UNC5D: variants seen among roughly 807,000 people sequenced by gnomAD.
The protein encoded by UNC5D is netrin receptor UNC5D.
In UNC5D, 39 loss-of-function variants were observed where a neutral mutation model predicts 105.4. The observed-to-expected ratio is 0.37, with a 90% CI of 0.29 to 0.48. UNC5D has a LOEUF of 0.48. Among genes scored for constraint, UNC5D ranks in the 20% least tolerant of loss-of-function variants. The pLI, the probability that UNC5D is intolerant of heterozygous loss-of-function variation, is 0.98. For missense variants in UNC5D, 991 were observed against 1,202.4 expected (o/e 0.82, Z 2.60); for synonymous variants, 452 against 450.4 (o/e 1.00, Z -0.04).
intron 3 of UNC5D, among the ~76,000 whole-genome samples, chr8:35,579,742 G>A (rs1818348710): frequency 6.6e-6 from 1 of 152,196 alleles, no homozygotes; most frequent in Admixed American, 6.5e-5. Context: ...TATGGAGGGT[G>A]TTCAAATTCT....
chr8:35,738,905 C>T (rs1483881327), intron 11 of UNC5D, among the ~76,000 whole-genome samples: 1 of 152,146 alleles, frequency 6.6e-6, no homozygotes, highest in Non-Finnish European at 1.5e-5. Flanking sequence ...TGATTTGTTG[C>T]TGTGAGACTT....
At chr8:35,455,281 CTTTT>C (rs55848948) in intron 1 of UNC5D, among the ~76,000 whole-genome samples, 1 of 142,178 alleles carries the variant, frequency 7.0e-6, no homozygotes, top group African/African-American at 2.6e-5. Context: ...GGAATGGATA[CTTTT>C]TTTTTTTTTT....
At chr8:35,287,385 A>G (rs1322329907) in intron 1 of UNC5D, among the ~76,000 whole-genome samples, 1 of 152,224 alleles carries the variant, frequency 6.6e-6, no homozygotes, top group Non-Finnish European at 1.5e-5. Flanking sequence ...AGTTTAGAAA[A>G]CAGTTTATAA....
chr8:35,560,397 T>C (rs1383482942), intron 2 of UNC5D, among the ~76,000 whole-genome samples: 1 of 152,224 alleles, frequency 6.6e-6, no homozygotes, highest in East Asian at 1.9e-4. Context: ...TTTGTGAATA[T>C]ATCACGTATA....
intron 1 of UNC5D, among the ~76,000 whole-genome samples, chr8:35,456,445 A>C (rs1462714336): frequency 1.3e-5 from 2 of 152,202 alleles, no homozygotes. Flanking sequence ...AACAAGCCCC[A>C]ATTATAAGTT....
chr8:35,247,281 T>C (rs925565816), intron 1 of UNC5D, among the ~76,000 whole-genome samples: 5 of 151,350 alleles, frequency 3.3e-5, no homozygotes, highest in Admixed American at 6.6e-5. Context: ...CAGAGATTTT[T>C]TTTTTTTCCT....
intron 1 of UNC5D, among the ~76,000 whole-genome samples, chr8:35,377,453 C>T (rs1290740414): frequency 6.6e-6 from 1 of 152,098 alleles, no homozygotes; most frequent in African/African-American, 2.4e-5. Flanking sequence ...CTCTGCAGGG[C>T]CCGGGATTGG....
At chr8:35,282,017 C>T (rs1212056479) in intron 1 of UNC5D, among the ~76,000 whole-genome samples, 1 of 152,188 alleles carries the variant, frequency 6.6e-6, no homozygotes, top group African/African-American at 2.4e-5. Context: ...TTTTCCATCA[C>T]TTAATAGCCA....
Position 35,257,178 on chromosome 8 carries a change from G to T in UNC5D, c.103+21291G>T, listed in dbSNP as rs575497543. ...GTAGAGACGGGGTTTCACCATGTTG[G>T]TCAGGTGATCACGATCTCCTGACCT... On this transcript the variant is annotated intron_variant, in intron 1 of 16. Coordinates refer to ENST00000404895, the MANE Select transcript of UNC5D (RefSeq NM_080872.4). Among the ~76,000 whole-genome samples the T allele has an allele frequency of 2.8e-3, 421 of 151,920 alleles. 3 individuals carry two copies. The highest frequency in any genetic ancestry group is 9.6e-3 in the African/African-American group (398 of 41,424).
intron 4 of UNC5D, among the ~76,000 whole-genome samples, chr8:35,642,529 T>G (rs1477917003): frequency 6.6e-6 from 1 of 152,124 alleles, no homozygotes; most frequent in African/African-American, 2.4e-5. Context: ...ACACTCAGGC[T>G]TTAAGTAGGG....
chr8:35,431,406 A>G (rs993824644), intron 1 of UNC5D, among the ~76,000 whole-genome samples: 1 of 152,176 alleles, frequency 6.6e-6, no homozygotes, highest in Non-Finnish European at 1.5e-5. Context: ...TGCCTAGAAT[A>G]AGAAATTAGG....
intron 1 of UNC5D, among the ~76,000 whole-genome samples, chr8:35,236,353 AG>A (rs35580447): frequency 7.9e-6 from 1 of 126,006 alleles, no homozygotes; most frequent in African/African-American, 3.0e-5. Flanking sequence ...CTTTTCCCTT[AG>A]GGGAGGAACA....
intron 1 of UNC5D, among the ~76,000 whole-genome samples, chr8:35,423,852 C>CTT (rs200270722): frequency 3.6e-4 from 49 of 135,100 alleles, no homozygotes; most frequent in African/African-American, 9.8e-4. Context: ...ATAAGGAGTA[C>CTT]TTTTTTTTTT....
intron 1 of UNC5D, among the ~76,000 whole-genome samples, chr8:35,300,972 T>A (rs935210435): frequency 6.6e-6 from 1 of 152,210 alleles, no homozygotes; most frequent in East Asian, 1.9e-4. Context: ...TGTGTGTGTA[T>A]GTTTATGTGT....
intron 1 of UNC5D, among the ~76,000 whole-genome samples, chr8:35,514,699 AAAAG>A (rs1388588569): frequency 6.6e-6 from 1 of 152,094 alleles, no homozygotes; most frequent in African/African-American, 2.4e-5. Flanking sequence ...AATTCAAACA[AAAAG>A]AAATCAACAT....
chr8:35,643,658 G>A (rs572036169), intron 4 of UNC5D, among the ~76,000 whole-genome samples: 81 of 152,144 alleles, frequency 5.3e-4, no homozygotes, highest in Non-Finnish European at 9.7e-4. Flanking sequence ...GGGATTACAG[G>A]TGTGAGCCAC....
chr8:35,335,255 CT>C (rs1810938561), intron 1 of UNC5D, among the ~76,000 whole-genome samples: 1 of 152,118 alleles, frequency 6.6e-6, no homozygotes, highest in Non-Finnish European at 1.5e-5. Flanking sequence ...ATGTGCAAAC[CT>C]TTGTGTGGTA....
chr8:35,703,515 C>G (rs1008800137), intron 7 of UNC5D, among the ~76,000 whole-genome samples: 2 of 152,190 alleles, frequency 1.3e-5, no homozygotes, highest in African/African-American at 4.8e-5. Context: ...CTTGTGTGCC[C>G]TTGTTGCCTG....
At chr8:35,625,004 G>A (rs1821618000) in intron 4 of UNC5D, among the ~76,000 whole-genome samples, 1 of 152,122 alleles carries the variant, frequency 6.6e-6, no homozygotes, top group African/African-American at 2.4e-5. Context: ...ATGCATATGT[G>A]TGTGCATATG....
Sources: gnomAD v4.1 joint callset for allele counts (sites outside exome capture counted in the v4.1 genomes callset) on GRCh38, gnomAD v4.1.1 for gene constraint, MANE v1.5 for transcripts, NCBI Gene and HGNC (gene_info 2026-07-23, HGNC 2026-07-21) for gene names.